The following ACTN2 variants were observed in gnomAD, a reference collection of about 807,000 sequenced individuals.
ACTN2 encodes the protein actinin alpha 2.
ACTN2 carries 39 observed loss-of-function variants against 113.8 expected under a neutral mutation model. The observed-to-expected ratio is 0.34, with a 90% CI of 0.27 to 0.45. The LOEUF (loss-of-function observed/expected upper bound fraction) is 0.45. Ranked by LOEUF, ACTN2 falls within the 20% of genes least tolerant of loss-of-function variation. ACTN2 has a pLI of 1.00. For synonymous variants in ACTN2, 429 were observed against 444.1 expected, an observed-to-expected ratio of 0.97 and a Z score of 0.43; for missense variants, 992 against 1,177.9, an observed-to-expected ratio of 0.84 and a Z score of 2.31.
At chr1:236,732,385 C>T (rs1658734499) in intron 7 of ACTN2, among the ~76,000 whole-genome samples, 1 of 152,160 alleles carries the variant, frequency 6.6e-6, no homozygotes, top group African/African-American at 2.4e-5. Context: ...TCTGTCTTCA[C>T]ACAGCCTTTT....
intron 1 of ACTN2, among the ~76,000 whole-genome samples, chr1:236,694,239 G>A (rs567291164): frequency 7.5e-6 from 1 of 133,896 alleles, no homozygotes; most frequent in African/African-American, 2.8e-5. Context: ...TTTTTTTTGA[G>A]ACGGAGTTTC....
chr1:236,739,192 T>G (rs1658988242), intron 9 of ACTN2, 110 bp from the exon 10 acceptor site: 7 of 1,149,218 alleles, frequency 6.1e-6, no homozygotes, highest in East Asian at 2.3e-5. Context: ...ATCTCAGTGA[T>G]TTTAGGAACA....
intron 4 of ACTN2, among the ~76,000 whole-genome samples, chr1:236,724,893 A>G (rs1225489422): frequency 1.6e-5 from 2 of 124,062 alleles, no homozygotes; most frequent in African/African-American, 3.1e-5. Context: ...CTTGAAATTT[A>G]CCAATAAAAC....
chr1:236,742,197 A>G lies in ACTN2; in HGVS notation c.1108-699A>G, dbSNP rs1659089955. On this transcript the variant is annotated intron_variant, in intron 10 of 20. Coordinates refer to ENST00000366578, the MANE Select transcript of ACTN2 (RefSeq NM_001103.4). ...CCCTTGACCCTGCTTTTTTTTTCCC[A>G]TACGGCATTTTGTTTATCGCTTTCC... is the stretch of plus-strand genomic sequence containing the variant. 2.6e-5 allele frequency among the ~76,000 whole-genome samples: 4 copies of G among 151,534 alleles called. No homozygotes were observed. In the South Asian group the frequency reaches 8.3e-4, roughly 32 times the overall value.
chr1:236,729,597 G>A (rs539578420), intron 6 of ACTN2, among the ~76,000 whole-genome samples: 1 of 152,242 alleles, frequency 6.6e-6, no homozygotes, highest in East Asian at 1.9e-4. Context: ...CCCCCAGCCT[G>A]CCTCCATGGC....
At chr1:236,759,881 G>T in intron 19 of ACTN2, 92 bp downstream of exon 19, 3 of 1,194,724 alleles carry the variant, frequency 2.5e-6, no homozygotes. Context: ...CCAAGGTAGT[G>T]CATTTGGGAT....
rs1019770238 is a variant in ACTN2 at position 236,747,917 on chromosome 1, G to A, written c.1515+142G>A. The A allele has an allele frequency of 3.2e-5, 22 of 690,462 alleles. No individual in the cohort carries two copies. The Admixed American group carries it at 3.9e-4, about 12-fold the overall frequency. 42.8% of individuals were successfully genotyped at this position (690,462 alleles called of 1,614,324 possible). Reference sequence around the variant, plus strand: ...AACCTCTAAAGAAAACATGAAAAGTGGAAGAAAGAGGGAAATGGGAAGTTG... The same window carrying A: ...AACCTCTAAAGAAAACATGAAAAGTAGAAGAAAGAGGGAAATGGGAAGTTG... On this transcript the variant is annotated intron_variant, in intron 13 of 20. Coordinates refer to ENST00000366578, the MANE Select transcript of ACTN2 (RefSeq NM_001103.4).
intron 1 of ACTN2, among the ~76,000 whole-genome samples, chr1:236,709,245 TATATATATATAC>T (rs1305872876): frequency 7.4e-5 from 6 of 81,300 alleles, no homozygotes; most frequent in African/African-American, 2.6e-4. Flanking sequence ...TATATATATA[TATATATATATAC>T]ACACACACAC....
In ACTN2 at chr1:236,705,585, A is replaced by G. The variant is rs1034364133; in HGVS notation, c.127-12273A>G. On this transcript the variant is annotated intron_variant, in intron 1 of 20. Transcript: ENST00000366578. ...GTAGACAGAATTATTTTGCATTGCTATCAGTTGTCTGTGACCTGTAGATTT... is the reference window on the plus strand; with the variant it reads ...GTAGACAGAATTATTTTGCATTGCTGTCAGTTGTCTGTGACCTGTAGATTT... 4.6e-5 allele frequency among the ~76,000 whole-genome samples: 7 copies of G among 152,218 alleles called. No individual in the cohort carries two copies. In the East Asian group the frequency reaches 5.8e-4, roughly 13 times the overall value.
Position 236,713,288 on chromosome 1 carries a change from C to A in ACTN2, c.127-4570C>A, listed in dbSNP as rs1658100228. ...TGTTTCCCAGGCTGTAGTGCAATGG[C>A]ACGATCTTGGCTCACTGCAACCTCT... On this transcript the variant is annotated intron_variant, in intron 1 of 20. Coordinates refer to ENST00000366578, the MANE Select transcript of ACTN2 (RefSeq NM_001103.4). Among the ~76,000 whole-genome samples the A allele has an allele frequency of 2.0e-5, 3 of 151,238 alleles. No individual in the cohort carries two copies. In the South Asian group the frequency reaches 6.2e-4, roughly 31 times the overall value.
intron 1 of ACTN2, among the ~76,000 whole-genome samples, chr1:236,688,642 T>C (rs1665959315): frequency 6.6e-6 from 1 of 152,080 alleles, no homozygotes; most frequent in South Asian, 2.1e-4. Flanking sequence ...AAGGTGAGAA[T>C]TTTTTTTAAG....
At chr1:236,726,107 C>T in intron 5 of ACTN2, 87 bp downstream of exon 5, 1 of 1,232,422 alleles carries the variant, frequency 8.1e-7, no homozygotes, top group South Asian at 1.2e-5. Context: ...CCCGTGTTTT[C>T]CTCCTGTCTG....
In ACTN2 at chr1:236,744,651, G is replaced by T; in HGVS notation, c.1281G>T (p.Lys427Asn). 1 of 1,614,224 alleles carries T rather than the reference G, an allele frequency of 6.2e-7. No homozygotes were observed. The highest frequency in any genetic ancestry group is 8.5e-7 in the Non-Finnish European group (1 of 1,180,046). ...GCAAAGAGCAGATCTTGCTGCAGAA[G>T]GATTACGAGTCGGCGTCGCTGACAG... ...AYGKEQILLQ[K>N]DYESASLTEV... The change falls in exon 12 of 21, where the codon AAG becomes AAT. Residue 427 changes from lysine to asparagine, a missense_variant. Physicochemically the swap from Lys to Asn is moderately conservative, Grantham distance 94. Around this residue, in one of 3 missense-constraint regions of ACTN2, gnomAD observed 736 missense variants for 815.4 expected, o/e 0.90. Coordinates refer to ENST00000366578, the MANE Select transcript of ACTN2 (RefSeq NM_001103.4).
chr1:236,744,961 C>T (rs1278831451), intron 12 of ACTN2, among the ~76,000 whole-genome samples, 185 bp downstream of exon 12: 2 of 152,116 alleles, frequency 1.3e-5, no homozygotes, highest in Non-Finnish European at 2.9e-5. Flanking sequence ...GTGGTAGAAT[C>T]CCTATGTCCT....
intron 10 of ACTN2, among the ~76,000 whole-genome samples, chr1:236,741,536 C>T (rs1055046082): frequency 2.0e-5 from 3 of 152,194 alleles, no homozygotes; most frequent in African/African-American, 7.2e-5. Flanking sequence ...AAGTTGCCAA[C>T]CCCCAAACCC....
intron 7 of ACTN2, chr1:236,734,429 A>G (rs1192857177): frequency 6.5e-7 from 1 of 1,531,654 alleles, no homozygotes; most frequent in East Asian, 2.4e-5. Flanking sequence ...TTTTCTCCAC[A>G]CAGATTTAGT....
chr1:236,745,771 A>G (rs548103139), intron 12 of ACTN2, among the ~76,000 whole-genome samples: 2 of 152,304 alleles, frequency 1.3e-5, no homozygotes, highest in South Asian at 4.1e-4. Context: ...CCACCATTAT[A>G]ATCACTGATA....
chr1:236,746,878 T>C (rs531611258), intron 12 of ACTN2, among the ~76,000 whole-genome samples: 3 of 152,254 alleles, frequency 2.0e-5, no homozygotes, highest in East Asian at 3.9e-4. Flanking sequence ...GTGGAAGGGC[T>C]CAGTTCGGCC....
At position 236,757,455 on chromosome 1, in the gene ACTN2, A is replaced by G. The variant is rs199568000; in HGVS notation, c.2155-31A>G. On this transcript the variant is annotated intron_variant, in intron 17 of 20. Coordinates refer to ENST00000366578, the MANE Select transcript of ACTN2 (RefSeq NM_001103.4). ...CAGAGTTGACATGCTGGAGAGACTTAGAACTGATCTTTCCCCTTTTCCCTC... is the reference window on the plus strand; with the variant it reads ...CAGAGTTGACATGCTGGAGAGACTTGGAACTGATCTTTCCCCTTTTCCCTC... 832 of 1,614,018 alleles carry G rather than the reference A, an allele frequency of 5.2e-4. 11 individuals are homozygous for G. In the Admixed American group the frequency reaches 0.014, roughly 26 times the overall value.
Sources: allele counts gnomAD v4.1 joint callset (sites outside exome capture counted in the v4.1 genomes callset), GRCh38; gene constraint gnomAD v4.1.1; regional missense constraint gnomAD v4.1.1; transcripts MANE v1.5; gene names NCBI Gene and HGNC (gene_info 2026-07-23, HGNC 2026-07-21).